Variants in FOXD1 observed in about 807,000 individuals in gnomAD.
FOXD1 encodes forkhead box D1.
Under a neutral mutation model 2.0 loss-of-function variants are expected in FOXD1, and 4 were observed. The ratio of observed to expected loss-of-function variants is 2.03; its 90% CI spans 1.00 to 4.64. The LOEUF (loss-of-function observed/expected upper bound fraction) is 4.64. Ranked by LOEUF, FOXD1 falls within the 30% of genes most tolerant of loss-of-function variation. FOXD1 has a pLI of 0.01. For synonymous variants in FOXD1, 354 were observed against 328.5 expected, an observed-to-expected ratio of 1.08 and a Z score of -0.84; for missense variants, 586 against 647.6, an observed-to-expected ratio of 0.90 and a Z score of 1.03.
rs1282081549 is a variant in FOXD1, at chr5:73,448,643, G to C, written c.-281C>G. 1 of 152,142 alleles carries C rather than the reference G, an allele frequency of 6.6e-6. No individual in the cohort carries two copies. 9.4% of individuals were successfully genotyped at this position (152,142 alleles called of 1,614,324 possible). On this transcript the variant is annotated 5_prime_UTR_variant, in exon 1 of 1. Coordinates refer to ENST00000615637, the MANE Select transcript of FOXD1 (RefSeq NM_004472.3). ...GCGGAGGACTTGACCTTCTCCTCTCGGAGCAGCTTTTGCCCCGTCAGCTGA... is the reference window on the plus strand; with the variant it reads ...GCGGAGGACTTGACCTTCTCCTCTCCGAGCAGCTTTTGCCCCGTCAGCTGA...
In FOXD1 at chr5:73,447,595, C is replaced by G; in HGVS notation, c.768G>C (p.Ala256=). ...GGAGDPAAAA[A]LFPPAPPPPP... is the part of the protein sequence containing the mutation. ...GCGGCGGGGGCGCGGGCGGGAAGAG[C>G]GCGGCGGCGGCTGCCGGGTCGCCCG... Residue 256 remains alanine (A), a synonymous_variant, in exon 1 of 1, where the codon GCG becomes GCC. Coordinates refer to ENST00000615637, the MANE Select transcript of FOXD1 (RefSeq NM_004472.3). The surrounding 1 kb of genome is among the most constrained non-coding windows in gnomAD (Gnocchi z 7.8). 1 of 1,179,954 alleles carries G rather than the reference C, an allele frequency of 8.5e-7. No homozygotes were observed. The highest frequency in any genetic ancestry group is 4.0e-5 in the East Asian group (1 of 24,706). The allele number at this position is 1,179,954 out of a possible 1,614,324, so 73.1% of individuals were successfully genotyped here. A position where few individuals can be genotyped will look rare whatever the true frequency, so the allele number is the denominator to read the frequency against.
At position 73,448,211 on chromosome 5, in the gene FOXD1, T is replaced by A; in HGVS notation, c.152A>T (p.Gln51Leu). 2.7e-6 allele frequency: 4 copies of A among 1,465,724 alleles called. No homozygotes were observed. Among genetic ancestry groups the A allele is most frequent in the Non-Finnish European group, 3.6e-6 (4 of 1,103,112 alleles). The allele number at this position is 1,465,724 out of a possible 1,614,324, so 90.8% of individuals were successfully genotyped here. ...GTACGAGCGCCGCCGCCGCCGCCGC[T>A]GCGCGGGGACAGCCAGCCGGGGCCC... is the stretch of plus-strand genomic sequence containing the variant. ...GGGPRLAVPA[Q>L]RRRRRRSYAG... is the part of the protein sequence containing the mutation. Residue 51 changes from glutamine to leucine, a missense_variant, in exon 1 of 1, where the codon CAG (glutamine) becomes CTG (leucine). Transcript: ENST00000615637.
Position 73,448,241 on chromosome 5 carries a change from C to A in FOXD1, c.122G>T (p.Gly41Val). Residue 41 changes from glycine (G) to valine (V), a missense_variant, in exon 1 of 1, where the codon GGT (glycine) becomes GTT (valine). This residue lies in a region of FOXD1 where 183 missense variants were observed against 159.2 expected (regional missense o/e 1.15). Coordinates refer to ENST00000615637, the MANE Select transcript of FOXD1 (RefSeq NM_004472.3). Reference sequence around the variant, plus strand: ...GGGGACAGCCAGCCGGGGCCCGCCACCGCCGCCCTCGTCGTCGTCCTCCTC... The same window carrying A: ...GGGGACAGCCAGCCGGGGCCCGCCAACGCCGCCCTCGTCGTCGTCCTCCTC... ...EEEEDDDEGG[G>V]GGPRLAVPAQ... 6.7e-7 allele frequency: 1 copy of A among 1,482,714 alleles called. No individual in the cohort carries two copies. The highest frequency in any genetic ancestry group is 9.0e-7 in the Non-Finnish European group (1 of 1,110,154). The allele number at this position is 1,482,714 out of a possible 1,614,324, so 91.8% of individuals were successfully genotyped here. A position where few individuals can be genotyped will look rare whatever the true frequency, so the allele number is the denominator to read the frequency against.
rs1488406136 is a variant in FOXD1 at position 73,448,272 on chromosome 5, C to G, written c.91G>C (p.Glu31Gln). ...CCCTCGTCGTCGTCCTCCTCTTCCT[C>G]GTCTTCTTCGTCCTCGCCCTCCCCC... ...VVGEGEDEED[E>Q]EEEDDDEGGG... Residue 31 changes from glutamate to glutamine, a missense_variant, in exon 1 of 1, where the codon GAG becomes CAG. Transcript: ENST00000615637. 1 of 1,475,640 alleles carries G rather than the reference C, an allele frequency of 6.8e-7. No individual in the cohort carries two copies. The highest frequency in any genetic ancestry group is 9.0e-7 in the Non-Finnish European group (1 of 1,105,598). 91.4% of individuals were successfully genotyped at this position (1,475,640 alleles called of 1,614,324 possible). A position where few individuals can be genotyped will look rare whatever the true frequency, so the allele number is the denominator to read the frequency against.
rs2112139742 is a variant in FOXD1 at position 73,447,618 on chromosome 5, C to T, written c.745G>A (p.Gly249Ser). The T allele has an allele frequency of 1.5e-6, 2 of 1,313,738 alleles. No individual in the cohort carries two copies. The highest frequency in any genetic ancestry group is 4.7e-5 in the South Asian group (2 of 42,474). 81.4% of individuals were successfully genotyped at this position (1,313,738 alleles called of 1,614,324 possible). ...LRGAGAAGGA[G>S]DPAAAAALFP... ...AGCGCGGCGGCGGCTGCCGGGTCGC[C>T]CGCGCCCCCTGCGGCTCCCGCGCCG... Residue 249 changes from glycine (G) to serine (S), a missense_variant, in exon 1 of 1, where the codon GGC becomes AGC. Transcript: ENST00000615637. This position sits in a 1 kb window ranked among gnomAD's most constrained non-coding sequence, Gnocchi z 7.8.
rs1745519487 is a variant in FOXD1 at position 73,447,280 on chromosome 5, G to A, written c.1083C>T (p.Pro361=). 5.1e-6 allele frequency: 5 copies of A among 989,066 alleles called. No individual in the cohort carries two copies. Among genetic ancestry groups the A allele is most frequent in the African/African-American group, 3.5e-5 (2 of 56,864 alleles). 61.3% of individuals were successfully genotyped at this position (989,066 alleles called of 1,614,324 possible). A position where few individuals can be genotyped will look rare whatever the true frequency, so the allele number is the denominator to read the frequency against. Residue 361 remains proline (P), a synonymous_variant, in exon 1 of 1, where the codon CCC becomes CCT. Coordinates refer to ENST00000615637, the MANE Select transcript of FOXD1 (RefSeq NM_004472.3). This position sits in a 1 kb window ranked among gnomAD's most constrained non-coding sequence, Gnocchi z 7.8. ...GPGASALARS[P]FSIESIIGGS... ...CCCCGATGATGCTCTCGATGGAGAA[G>A]GGCGAGCGCGCCAGCGCTGAGGCGC... is the stretch of plus-strand genomic sequence containing the variant.
At position 73,448,260 on chromosome 5, in the gene FOXD1, C is replaced by T. The variant is rs1745548948; in HGVS notation, c.103G>A (p.Asp35Asn). 2.7e-6 allele frequency: 4 copies of T among 1,479,888 alleles called. No homozygotes were observed. The highest frequency in any genetic ancestry group is 1.8e-4 in the Middle Eastern group (1 of 5,706). The allele number at this position is 1,479,888 out of a possible 1,614,324, so 91.7% of individuals were successfully genotyped here. A position where few individuals can be genotyped will look rare whatever the true frequency, so the allele number is the denominator to read the frequency against. Residue 35 changes from aspartate to asparagine, a missense_variant, in exon 1 of 1, where the codon GAC (aspartate) becomes AAC (asparagine). Physicochemically the swap from Asp to Asn is conservative, Grantham distance 23. Around this residue, in one of 4 missense-constraint regions of FOXD1, gnomAD observed 183 missense variants for 159.2 expected, o/e 1.15. Transcript: ENST00000615637. Reference sequence around the variant, plus strand: ...CCGCCACCGCCGCCCTCGTCGTCGTCCTCCTCTTCCTCGTCTTCTTCGTCC... The same window carrying T: ...CCGCCACCGCCGCCCTCGTCGTCGTTCTCCTCTTCCTCGTCTTCTTCGTCC... ...GEDEEDEEEE[D>N]DDEGGGGGPR...
In FOXD1 at chr5:73,448,127, A is replaced by G. The variant is rs1745544168; in HGVS notation, c.236T>C (p.Leu79Pro). The change falls in exon 1 of 1, where the codon CTG becomes CCG. Residue 79 changes from leucine to proline, a missense_variant. By Grantham distance (98) the Leu-to-Pro change is moderately conservative (BLOSUM62 -3). Around this residue, in one of 4 missense-constraint regions of FOXD1, gnomAD observed 183 missense variants for 159.2 expected, o/e 1.15. Coordinates refer to ENST00000615637, the MANE Select transcript of FOXD1 (RefSeq NM_004472.3). The part of the protein sequence containing the change: ...EEEEDDDDIL[L>P]APPAGGSPAP... ...CGGGGAGCCCCCAGCAGGCGGGGCCAGCAGGATGTCATCGTCGTCCTCCTC... is the reference window on the plus strand; with the variant it reads ...CGGGGAGCCCCCAGCAGGCGGGGCCGGCAGGATGTCATCGTCGTCCTCCTC... 1 of 1,339,470 alleles carries G rather than the reference A, an allele frequency of 7.5e-7. No homozygotes were observed. Among genetic ancestry groups the G allele is most frequent in the Non-Finnish European group, 9.6e-7 (1 of 1,037,158 alleles). 83.0% of individuals were successfully genotyped at this position (1,339,470 alleles called of 1,614,324 possible).
Position 73,447,410 on chromosome 5 carries a change from G to A in FOXD1, c.953C>T (p.Ala318Val), listed in dbSNP as rs2112139232. The change falls in exon 1 of 1, where the codon GCG (alanine) becomes GTG (valine). Residue 318 changes from alanine (A) to valine (V), a missense_variant. By Grantham distance (64) the Ala-to-Val change is moderately conservative. Transcript: ENST00000615637. The surrounding 1 kb of genome is among the most constrained non-coding windows in gnomAD (Gnocchi z 7.8). The part of the protein sequence containing the change: ...SPPPPPPPHG[A>V]AAELARTAFG... ...GGCGGTCCGGGCCAGCTCGGCGGCC[G>A]CGCCGTGCGGTGGCGGGGGCGGCGG... The A allele has an allele frequency of 3.1e-6, 3 of 982,888 alleles. No individual in the cohort carries two copies. The highest frequency in any genetic ancestry group is 3.6e-6 in the Non-Finnish European group (3 of 829,688). 60.9% of individuals were successfully genotyped at this position (982,888 alleles called of 1,614,324 possible).
chr5:73,448,221 C>A lies in FOXD1; in HGVS notation c.142G>T (p.Val48Phe). The change falls in exon 1 of 1, where the codon GTC becomes TTC. Residue 48 changes from valine to phenylalanine, a missense_variant. Coordinates refer to ENST00000615637, the MANE Select transcript of FOXD1 (RefSeq NM_004472.3). Reference sequence around the variant, plus strand: ...CGCCGCCGCCGCCGCTGCGCGGGGACAGCCAGCCGGGGCCCGCCACCGCCG... The same window carrying A: ...CGCCGCCGCCGCCGCTGCGCGGGGAAAGCCAGCCGGGGCCCGCCACCGCCG... ...EGGGGGPRLA[V>F]PAQRRRRRRS... The A allele has an allele frequency of 6.8e-7, 1 of 1,481,316 alleles. No homozygotes were observed. Among genetic ancestry groups the A allele is most frequent in the East Asian group, 2.9e-5 (1 of 34,670 alleles). 91.8% of individuals were successfully genotyped at this position (1,481,316 alleles called of 1,614,324 possible).
Position 73,448,156 on chromosome 5 carries a change from C to T in FOXD1, c.207G>A (p.Glu69=), listed in dbSNP as rs1393719435. 4.2e-6 allele frequency: 6 copies of T among 1,426,020 alleles called. No individual in the cohort carries two copies. The highest frequency in any genetic ancestry group is 5.5e-6 in the Non-Finnish European group (6 of 1,082,736). The allele number at this position is 1,426,020 out of a possible 1,614,324, so 88.3% of individuals were successfully genotyped here. A position where few individuals can be genotyped will look rare whatever the true frequency, so the allele number is the denominator to read the frequency against. Residue 69 remains glutamate, a synonymous_variant, in exon 1 of 1, where the codon GAG becomes GAA. Coordinates refer to ENST00000615637, the MANE Select transcript of FOXD1 (RefSeq NM_004472.3). The part of the protein sequence containing the change: ...YAGEDELEDL[E]EEEDDDDILL... ...GGATGTCATCGTCGTCCTCCTCCTC[C>T]TCCAGATCCTCCAGCTCGTCCTCCC...
At position 73,447,199 on chromosome 5, in the gene FOXD1, AGCGGCGGCGGCGGCCTGCGCG is replaced by A. The variant is rs1283544068; in HGVS notation, c.1143_1163del (p.Ala382_Ala388del). 9 of 992,560 alleles carry A rather than the reference AGCGGCGGCGGCGGCCTGCGCG, an allele frequency of 9.1e-6. No individual in the cohort carries two copies. Among genetic ancestry groups the A allele is most frequent in the Middle Eastern group, 1.0e-3 (2 of 1,950 alleles). 61.5% of individuals were successfully genotyped at this position (992,560 alleles called of 1,614,324 possible). On this transcript the variant is annotated inframe_deletion, in exon 1 of 1. Coordinates refer to ENST00000615637, the MANE Select transcript of FOXD1 (RefSeq NM_004472.3). The surrounding 1 kb of genome is among the most constrained non-coding windows in gnomAD (Gnocchi z 7.8). ...CCGGCGAGGGCGAGGGCGAGGCCTG[AGCGGCGGCGGCGGCCTGCGCG>A]GCGGCGGCGGCAGCGGCGGCCGGGC...
chr5:73,447,175 CGGCGAG>C lies in FOXD1; in HGVS notation c.1182_1187del (p.Ser395_Pro396del), dbSNP rs892625814. The C allele has an allele frequency of 3.8e-6, 4 of 1,063,512 alleles. No individual in the cohort carries two copies. Among genetic ancestry groups the C allele is most frequent in the Middle Eastern group, 4.3e-4 (1 of 2,322 alleles). The allele number at this position is 1,063,512 out of a possible 1,614,324, so 65.9% of individuals were successfully genotyped here. ...ATCCGGGAGCTGGCGGCGCCGCCACCGGCGAGGGCGAGGGCGAGGCCTGAGCGGCGG... is the reference window on the plus strand; with the variant it reads ...ATCCGGGAGCTGGCGGCGCCGCCACCGGCGAGGGCGAGGCCTGAGCGGCGG... On this transcript the variant is annotated inframe_deletion, in exon 1 of 1. Transcript: ENST00000615637. This position sits in a 1 kb window ranked among gnomAD's most constrained non-coding sequence, Gnocchi z 7.8.
chr5:73,447,476 G>A lies in FOXD1; in HGVS notation c.887C>T (p.Ala296Val), dbSNP rs1170142674. ...APPSALFAAA[A>V]AAAAAAAFHP... ...GAAGGCGGCGGCGGCGGCGGCGGCC[G>A]CTGCGGCGGCGAAGAGGGCCGAGGG... is the stretch of plus-strand genomic sequence containing the variant. The change falls in exon 1 of 1, where the codon GCG becomes GTG. Residue 296 changes from alanine (A) to valine (V), a missense_variant. By Grantham distance (64) the Ala-to-Val change is moderately conservative (BLOSUM62 0). Around this residue, in one of 4 missense-constraint regions of FOXD1, gnomAD observed 253 missense variants for 234.4 expected, o/e 1.08. Transcript: ENST00000615637. This position sits in a 1 kb window ranked among gnomAD's most constrained non-coding sequence, Gnocchi z 7.8. 2 of 997,532 alleles carry A rather than the reference G, an allele frequency of 2.0e-6. No individual in the cohort carries two copies. The highest frequency in any genetic ancestry group is 2.4e-6 in the Non-Finnish European group (2 of 840,506). 61.8% of individuals were successfully genotyped at this position (997,532 alleles called of 1,614,324 possible).
chr5:73,447,424 C>T lies in FOXD1; in HGVS notation c.939G>A (p.Pro313=). The part of the protein sequence containing the change: ...AFHPHSPPPP[P]PPHGAAAELA... Reference sequence around the variant, plus strand: ...GCTCGGCGGCCGCGCCGTGCGGTGGCGGGGGCGGCGGGGGCGAGTGCGGGT... The same window carrying T: ...GCTCGGCGGCCGCGCCGTGCGGTGGTGGGGGCGGCGGGGGCGAGTGCGGGT... The change falls in exon 1 of 1, where the codon CCG becomes CCA. Residue 313 remains proline, a synonymous_variant. Transcript: ENST00000615637. The surrounding 1 kb of genome is among the most constrained non-coding windows in gnomAD (Gnocchi z 7.8). The T allele has an allele frequency of 6.1e-6, 6 of 976,768 alleles. No homozygotes were observed. In the South Asian group the frequency reaches 1.4e-4, roughly 22 times the overall value. 60.5% of individuals were successfully genotyped at this position (976,768 alleles called of 1,614,324 possible).
chr5:73,446,786 G>C lies in FOXD1; in HGVS notation c.*179C>G. The C allele has an allele frequency of 1.7e-6, 1 of 604,876 alleles. No individual in the cohort carries two copies. 37.5% of individuals were successfully genotyped at this position (604,876 alleles called of 1,614,324 possible). ...CTTTGCATAAATAGAGGGACCCGCA[G>C]AGCCAAAAGGCGCGCCCGGGCTGTT... On this transcript the variant is annotated 3_prime_UTR_variant, in exon 1 of 1. Transcript: ENST00000615637.
In FOXD1 at chr5:73,446,950, G is replaced by GCTAA; in HGVS notation, c.*11_*14dup. On this transcript the variant is annotated 3_prime_UTR_variant, in exon 1 of 1. Coordinates refer to ENST00000615637, the MANE Select transcript of FOXD1 (RefSeq NM_004472.3). ...GATTCCTACCTTCTTCCTCGAGCGC[G>GCTAA]CTAACATAGCGTTATTAACAATTGG... 1 of 1,537,834 alleles carries GCTAA rather than the reference G, an allele frequency of 6.5e-7. No individual in the cohort carries two copies. The highest frequency in any genetic ancestry group is 8.8e-7 in the Non-Finnish European group (1 of 1,138,038).
Position 73,446,860 on chromosome 5 carries a change from CGA to C in FOXD1, c.*103_*104del. The C allele has an allele frequency of 9.8e-7, 1 of 1,022,772 alleles. No homozygotes were observed. The highest frequency in any genetic ancestry group is 3.1e-5 in the East Asian group (1 of 32,118). The allele number at this position is 1,022,772 out of a possible 1,614,324, so 63.4% of individuals were successfully genotyped here. ...AGCGGCGAAAATGGGCGCGCGAGGT[CGA>C]GAGGGGCCGCGCCTGGAGGAGCGAA... On this transcript the variant is annotated 3_prime_UTR_variant, in exon 1 of 1. Coordinates refer to ENST00000615637, the MANE Select transcript of FOXD1 (RefSeq NM_004472.3).
Position 73,448,153 on chromosome 5 carries a change from C to T in FOXD1, c.210G>A (p.Glu70=). The T allele has an allele frequency of 1.4e-6, 2 of 1,413,128 alleles. No individual in the cohort carries two copies. 87.5% of individuals were successfully genotyped at this position (1,413,128 alleles called of 1,614,324 possible). Residue 70 remains glutamate, a synonymous_variant, in exon 1 of 1, where the codon GAG becomes GAA. Coordinates refer to ENST00000615637, the MANE Select transcript of FOXD1 (RefSeq NM_004472.3). ...GCAGGATGTCATCGTCGTCCTCCTC[C>T]TCCTCCAGATCCTCCAGCTCGTCCT... The part of the protein sequence containing the change: ...AGEDELEDLE[E]EEDDDDILLA...
Sources: allele counts gnomAD v4.1 joint callset, GRCh38; gene constraint gnomAD v4.1.1; regional missense constraint gnomAD v4.1.1; non-coding constraint Gnocchi (gnomAD v3.1); transcripts MANE v1.5; gene names NCBI Gene and HGNC (gene_info 2026-07-23, HGNC 2026-07-21).